Variants in RBFOX1 observed in about 807,000 individuals in gnomAD.
RBFOX1 encodes the protein RNA binding fox-1 homolog 1, also known as RNA binding protein fox-1 homolog 1.
In RBFOX1, 8 loss-of-function variants were observed where a neutral mutation model predicts 57.7. That is an observed-to-expected ratio of 0.14 (90% CI 0.08 to 0.25). The LOEUF is 0.25. Among genes scored for constraint, RBFOX1 ranks in the 10% least tolerant of loss-of-function variants. The pLI is 1.00. For missense variants in RBFOX1, 611 were observed against 548.5 expected (o/e 1.11, Z -1.14); for synonymous variants, 326 against 222.4 (o/e 1.47, Z -4.15).
chr16:6,291,022 G>T (rs2077414805), intron 1 of RBFOX1, among the ~76,000 whole-genome samples: 1 of 152,096 alleles, frequency 6.6e-6, no homozygotes, highest in Admixed American at 6.5e-5. Flanking sequence ...TATTATTCAG[G>T]CCTCCCCTTT....
intron 1 of RBFOX1, among the ~76,000 whole-genome samples, chr16:6,276,974 A>C (rs2075865438): frequency 6.6e-6 from 1 of 152,170 alleles, no homozygotes; most frequent in African/African-American, 2.4e-5. Context: ...AATTTGATTT[A>C]AATAAATGTA....
At chr16:6,240,821 T>C (rs2097536231) in intron 1 of RBFOX1, among the ~76,000 whole-genome samples, 1 of 152,208 alleles carries the variant, frequency 6.6e-6, no homozygotes, top group Non-Finnish European at 1.5e-5. Flanking sequence ...ATTCACCTGA[T>C]ATTTTCAGTC....
intron 3 of RBFOX1, among the ~76,000 whole-genome samples, chr16:6,795,660 G>T (rs1195272240): frequency 6.6e-6 from 1 of 151,886 alleles, no homozygotes; most frequent in East Asian, 1.9e-4. Context: ...CAGCTACTTG[G>T]GAGGCTGAGG....
intron 4 of RBFOX1, among the ~76,000 whole-genome samples, chr16:7,497,149 G>A (rs532773891): frequency 3.9e-5 from 6 of 152,088 alleles, no homozygotes; most frequent in Non-Finnish European, 2.9e-5. Context: ...ATGGCCTCCC[G>A]TTACTTAAAG....
Position 7,500,925 on chromosome 16 carries a change from C to T in RBFOX1, c.28-17222C>T, listed in dbSNP as rs543959678. 1.6e-3 allele frequency among the ~76,000 whole-genome samples: 243 copies of T among 152,312 alleles called. 3 individuals are homozygous for T. The highest frequency in any genetic ancestry group is 6.8e-3 in the Middle Eastern group (2 of 294). ...GTTCTTGTAATAGTGAGTGACTTCT[C>T]ATGAGATCTGATGGGTTTATATGAG... On this transcript the variant is annotated intron_variant, in intron 4 of 15. Transcript: ENST00000550418.
chr16:7,008,015 G>T (rs911193664), intron 3 of RBFOX1, among the ~76,000 whole-genome samples: 1 of 152,294 alleles, frequency 6.6e-6, no homozygotes, highest in African/African-American at 2.4e-5. Context: ...GTTGGGCATT[G>T]TGTCTCTCAC....
intron 1 of RBFOX1, among the ~76,000 whole-genome samples, chr16:5,244,692 G>A (rs2062251774): frequency 6.6e-6 from 1 of 152,260 alleles, no homozygotes; most frequent in Non-Finnish European, 1.5e-5. Flanking sequence ...TTGTGAGGCA[G>A]GCTCCTGAGG....
At chr16:6,467,884 A>G (rs1429195607) in intron 2 of RBFOX1, among the ~76,000 whole-genome samples, 1 of 152,214 alleles carries the variant, frequency 6.6e-6, no homozygotes, top group Non-Finnish European at 1.5e-5. Context: ...TGATAATGCA[A>G]TCTACATCCC....
chr16:7,623,624 G>A (rs867638867), intron 10 of RBFOX1, among the ~76,000 whole-genome samples: 14 of 152,160 alleles, frequency 9.2e-5, no homozygotes, highest in South Asian at 4.2e-4. Flanking sequence ...AGCTTTGCTC[G>A]CTCACCTGCA....
chr16:5,652,070 G>A (rs1274502149), intron 3 of RBFOX1, among the ~76,000 whole-genome samples: 1 of 152,062 alleles, frequency 6.6e-6, no homozygotes, highest in Non-Finnish European at 1.5e-5. Context: ...GGAGGAAGAG[G>A]TTCTAGTGAG....
chr16:6,872,925 C>G (rs1051594456), intron 3 of RBFOX1, among the ~76,000 whole-genome samples: 1 of 152,110 alleles, frequency 6.6e-6, no homozygotes, highest in Non-Finnish European at 1.5e-5. Context: ...CAGTAACCTC[C>G]CTGACACTTG....
At chr16:5,746,956 G>A (rs1047416733) in intron 3 of RBFOX1, among the ~76,000 whole-genome samples, 1 of 152,112 alleles carries the variant, frequency 6.6e-6, no homozygotes, top group Non-Finnish European at 1.5e-5. Context: ...AATTGCCCTG[G>A]CCAGAACTTC....
chr16:6,868,428 G>C (rs981981097), intron 3 of RBFOX1, among the ~76,000 whole-genome samples: 3 of 152,088 alleles, frequency 2.0e-5, no homozygotes, highest in Non-Finnish European at 4.4e-5. Flanking sequence ...AAAGTTGCCA[G>C]GGCGAGGTAG....
chr16:6,623,691 G>A (rs540761069), intron 2 of RBFOX1, among the ~76,000 whole-genome samples: 19 of 152,026 alleles, frequency 1.2e-4, no homozygotes, highest in Middle Eastern at 6.8e-3. Flanking sequence ...GAGAACATGC[G>A]GTGTTTGGTT....
chr16:7,089,693 C>T (rs192073991), intron 4 of RBFOX1, among the ~76,000 whole-genome samples: 10 of 152,228 alleles, frequency 6.6e-5, no homozygotes, highest in Admixed American at 3.9e-4. Flanking sequence ...GTCCCAGACC[C>T]CCTTCCACAT....
rs1479953124 is a variant in RBFOX1, at chr16:5,534,191, T to A, written c.259-64711T>A. Among the ~76,000 whole-genome samples, 5 of 152,262 alleles carry A rather than the reference T, an allele frequency of 3.3e-5. No individual in the cohort carries two copies. In the South Asian group the frequency reaches 1.0e-3, roughly 32 times the overall value. ...CAAGGGTGGCTGGGAAAGGGGGAATTGGGCATTTTCAGCTTTAGTGGTGGG... is the reference window on the plus strand; with the variant it reads ...CAAGGGTGGCTGGGAAAGGGGGAATAGGGCATTTTCAGCTTTAGTGGTGGG... On this transcript the variant is annotated intron_variant, in intron 2 of 2. Coordinates refer to the RBFOX1 transcript ENST00000585867.
chr16:7,133,899 C>T (rs1039852331), intron 4 of RBFOX1, among the ~76,000 whole-genome samples: 42 of 152,076 alleles, frequency 2.8e-4, no homozygotes, highest in African/African-American at 8.2e-4. Flanking sequence ...AACAGAAAAA[C>T]AACATCAGTT....
At chr16:7,048,994 G>C (rs1002696660) in intron 3 of RBFOX1, among the ~76,000 whole-genome samples, 2 of 152,174 alleles carry the variant, frequency 1.3e-5, no homozygotes, top group Admixed American at 6.5e-5. Context: ...GACATGGGCA[G>C]TAGTCTATTC....
intron 1 of RBFOX1, among the ~76,000 whole-genome samples, chr16:5,464,933 C>G (rs749048589): frequency 5.3e-5 from 8 of 152,114 alleles, no homozygotes; most frequent in Admixed American, 2.6e-4. Flanking sequence ...CTGCAGGCAC[C>G]TCCTTTAGGA....
Sources: allele counts gnomAD v4.1 joint callset (sites outside exome capture counted in the v4.1 genomes callset), GRCh38; gene constraint gnomAD v4.1.1; transcripts MANE v1.5; gene names NCBI Gene and HGNC (gene_info 2026-07-23, HGNC 2026-07-21).